Variants in NEGR1 observed in about 807,000 individuals in gnomAD.
NEGR1 encodes the protein IgLON family member 4.
NEGR1 carries 10 observed loss-of-function variants against 40.9 expected under a neutral mutation model. The observed-to-expected ratio is 0.24, with a 90% CI of 0.15 to 0.42. The LOEUF is 0.42. NEGR1 is among the 10% of genes least tolerant of loss of function. NEGR1 has a pLI of 1.00. For synonymous variants in NEGR1, 185 were observed against 166.8 expected (o/e 1.11, Z -0.84); for missense variants, 352 against 438.9 (o/e 0.80, Z 1.77).
chr1:71,947,733 G>T (rs991461492), intron 1 of NEGR1, among the ~76,000 whole-genome samples: 2 of 150,898 alleles, frequency 1.3e-5, no homozygotes, highest in African/African-American at 4.9e-5. Context: ...GTAGGAACCA[G>T]AACCAGTCAA....
intron 2 of NEGR1, among the ~76,000 whole-genome samples, chr1:71,856,740 C>A (rs1476777191): frequency 6.6e-6 from 1 of 152,028 alleles, no homozygotes; most frequent in Non-Finnish European, 1.5e-5. Context: ...CTCTACAAAA[C>A]CCCAAGTTCG....
At chr1:72,034,296 C>T (rs2100444543) in intron 1 of NEGR1, among the ~76,000 whole-genome samples, 1 of 152,246 alleles carries the variant, frequency 6.6e-6, no homozygotes, top group East Asian at 1.9e-4. Flanking sequence ...TTGGAAAACA[C>T]CAGAAGGGGT....
intron 6 of NEGR1, among the ~76,000 whole-genome samples, chr1:71,492,265 G>A (rs550493420): frequency 3.9e-5 from 6 of 152,180 alleles, no homozygotes; most frequent in South Asian, 2.1e-4. Flanking sequence ...AGAGACTTAC[G>A]GGAGTGAGCC....
intron 2 of NEGR1, among the ~76,000 whole-genome samples, chr1:71,920,342 C>T (rs985586861): frequency 1.3e-5 from 2 of 152,014 alleles, no homozygotes; most frequent in Admixed American, 1.3e-4. Flanking sequence ...TGAAGTAGCT[C>T]CTCATTGAGC....
At chr1:72,004,274 C>T (rs546774930) in intron 1 of NEGR1, among the ~76,000 whole-genome samples, 11 of 151,828 alleles carry the variant, frequency 7.2e-5, no homozygotes, top group East Asian at 5.8e-4. Context: ...GAAACAGTAA[C>T]GTGTTTCTTC....
intron 2 of NEGR1, among the ~76,000 whole-genome samples, chr1:71,855,650 G>A (rs1557678571): frequency 6.6e-6 from 1 of 151,760 alleles, no homozygotes; most frequent in Admixed American, 6.6e-5. Flanking sequence ...TTTGAATTAT[G>A]CATTCTTAAC....
chr1:71,944,850 C>G (rs1557447755), intron 1 of NEGR1, among the ~76,000 whole-genome samples: 1 of 152,110 alleles, frequency 6.6e-6, no homozygotes, highest in Non-Finnish European at 1.5e-5. Flanking sequence ...TTAAAGCTAG[C>G]CTTGCAATCA....
At chr1:71,916,204 T>C (rs10889933) in intron 2 of NEGR1, among the ~76,000 whole-genome samples, 29,426 of 152,142 alleles carry the variant, frequency 0.19, 3,065 homozygotes, top group Admixed American at 0.31. Context: ...TAAATGTTTA[T>C]TTTATACTAT....
At chr1:71,776,461 T>C (rs963650437) in intron 2 of NEGR1, among the ~76,000 whole-genome samples, 164 bp from the exon 3 acceptor site, 12 of 152,212 alleles carry the variant, frequency 7.9e-5, no homozygotes, top group African/African-American at 2.7e-4. Flanking sequence ...CTCAAGACTT[T>C]CTAGGAGTTT....
At chr1:71,468,614 G>T (rs971640969) in intron 6 of NEGR1, 12 of 151,950 alleles carry the variant, frequency 7.9e-5, no homozygotes, top group African/African-American at 2.9e-4. Context: ...CAGCCTGCTG[G>T]CATGTGAAAT....
chr1:72,048,128 T>C (rs1368357797), intron 1 of NEGR1, among the ~76,000 whole-genome samples: 1 of 151,624 alleles, frequency 6.6e-6, no homozygotes, highest in East Asian at 1.9e-4. Context: ...GTGCAAAATC[T>C]AGCCATCCTA....
At chr1:72,017,115 T>C (rs1437949331) in intron 1 of NEGR1, among the ~76,000 whole-genome samples, 1 of 139,648 alleles carries the variant, frequency 7.2e-6, no homozygotes, top group Non-Finnish European at 1.5e-5. Flanking sequence ...CACACATATA[T>C]ATACACATAT....
At chr1:71,762,279 G>GAA (rs141811319) in intron 3 of NEGR1, among the ~76,000 whole-genome samples, 56 of 148,458 alleles carry the variant, frequency 3.8e-4, no homozygotes, top group East Asian at 1.6e-3. Flanking sequence ...GCAACAAACA[G>GAA]AAAAAGAAAA....
At chr1:71,607,454 C>T (rs926206725) in intron 5 of NEGR1, among the ~76,000 whole-genome samples, 1 of 152,176 alleles carries the variant, frequency 6.6e-6, no homozygotes, top group African/African-American at 2.4e-5. Context: ...ATGGACTCTG[C>T]ATGAAGATTT....
chr1:72,144,317 G>A (rs1439917944), intron 1 of NEGR1, among the ~76,000 whole-genome samples: 2 of 151,730 alleles, frequency 1.3e-5, no homozygotes, highest in African/African-American at 4.8e-5. Context: ...GGATATAATA[G>A]TGAGTGAAAA....
At chr1:72,242,274 T>A (rs1484025262) in intron 1 of NEGR1, among the ~76,000 whole-genome samples, 2 of 151,728 alleles carry the variant, frequency 1.3e-5, no homozygotes, top group East Asian at 3.9e-4. Context: ...ATGCTAAAAA[T>A]TTGACCTGTA....
intron 6 of NEGR1, among the ~76,000 whole-genome samples, chr1:71,468,113 G>A (rs1047056843): frequency 1.3e-5 from 2 of 151,848 alleles, no homozygotes; most frequent in South Asian, 2.1e-4. Context: ...CAACAGTACC[G>A]TTTGCCTTTT....
intron 4 of NEGR1, among the ~76,000 whole-genome samples, chr1:71,635,805 G>C (rs1324064479): frequency 6.6e-6 from 1 of 152,056 alleles, no homozygotes; most frequent in African/African-American, 2.4e-5. Flanking sequence ...CCATGCAAAA[G>C]TGTTAATTGA....
At chr1:71,776,523 A>T (rs1323042486) in intron 2 of NEGR1, among the ~76,000 whole-genome samples, 1 of 152,130 alleles carries the variant, frequency 6.6e-6, no homozygotes. Context: ...CTCAGGATAA[A>T]TGGAATATTT....
Sources: gnomAD v4.1 joint callset for allele counts (sites outside exome capture counted in the v4.1 genomes callset) on GRCh38, gnomAD v4.1.1 for gene constraint, MANE v1.5 for transcripts, NCBI Gene and HGNC (gene_info 2026-07-23, HGNC 2026-07-21) for gene names.